Variants in DNM3 observed in about 807,000 individuals in gnomAD.
The protein encoded by DNM3 is dynamin-3.
DNM3 carries 47 observed loss-of-function variants against 101.6 expected under a neutral mutation model. That is an observed-to-expected ratio of 0.46 (90% CI 0.37 to 0.59). The LOEUF (loss-of-function observed/expected upper bound fraction) is 0.59, where lower values mean the gene tolerates loss of function less well. Ranked by LOEUF, DNM3 falls within the 20% of genes least tolerant of loss-of-function variation. DNM3 has a pLI of 0.00. For missense variants in DNM3, 849 were observed against 1,085.7 expected (o/e 0.78, Z 3.06); for synonymous variants, 385 against 387.9 (o/e 0.99, Z 0.09).
intron 17 of DNM3, among the ~76,000 whole-genome samples, chr1:172,372,532 CCTTT>C (rs1405262701): frequency 2.0e-5 from 3 of 151,552 alleles, no homozygotes; most frequent in Admixed American, 6.6e-5. Flanking sequence ...TGTGTCATGC[CCTTT>C]CTATTTTATG....
intron 4 of DNM3, among the ~76,000 whole-genome samples, chr1:172,032,186 G>T (rs1479381744): frequency 1.3e-5 from 2 of 151,944 alleles, no homozygotes; most frequent in Non-Finnish European, 2.9e-5. Context: ...TTCTCCCTTG[G>T]GTTGAAGGTT....
chr1:172,197,213 G>T (rs2059986277), intron 14 of DNM3, among the ~76,000 whole-genome samples: 1 of 151,982 alleles, frequency 6.6e-6, no homozygotes. Flanking sequence ...AGATCAGATT[G>T]TTATAGATGT....
At chr1:172,372,019 C>G (rs1265434485) in intron 17 of DNM3, among the ~76,000 whole-genome samples, 1 of 147,112 alleles carries the variant, frequency 6.8e-6, no homozygotes, top group Non-Finnish European at 1.5e-5. Context: ...CACCCACTAA[C>G]TCGTCATCTA....
rs986592626 is a variant in DNM3, at chr1:172,410,663, C to T, written c.*2822C>T. 2.4e-5 allele frequency: 24 copies of T among 985,098 alleles called. No homozygotes were observed. The highest frequency in any genetic ancestry group is 1.1e-4 in the East Asian group (1 of 8,824). 61.0% of individuals were successfully genotyped at this position (985,098 alleles called of 1,614,324 possible). A position where few individuals can be genotyped will look rare whatever the true frequency, so the allele number is the denominator to read the frequency against. ...TACTCGTCTGAATATTGCTTTTAGC[C>T]GTGTTTTATAACATAGACGAGCAGT... On this transcript the variant is annotated 3_prime_UTR_variant, in exon 21 of 21. Transcript: ENST00000627582.
At chr1:172,373,848 T>C (rs2068474364) in intron 17 of DNM3, among the ~76,000 whole-genome samples, 2 of 152,090 alleles carry the variant, frequency 1.3e-5, no homozygotes, top group Admixed American at 1.3e-4. Context: ...AGCAATCTTC[T>C]TCAGAATATT....
At chr1:172,247,656 C>CTTTTTTAT (rs1553207717) in intron 14 of DNM3, among the ~76,000 whole-genome samples, 1 of 135,330 alleles carries the variant, frequency 7.4e-6, no homozygotes, top group Non-Finnish European at 1.6e-5. Flanking sequence ...ATTATTATTT[C>CTTTTTTAT]TTATTTATTT....
At chr1:172,011,447 G>A (rs6684633) in intron 4 of DNM3, among the ~76,000 whole-genome samples, 45,007 of 151,678 alleles carry the variant, frequency 0.3, 8,350 homozygotes, top group African/African-American at 0.53. Flanking sequence ...GAACTCCATC[G>A]ATGTCTCCTC....
At chr1:172,361,297 G>T (rs9425573) in intron 17 of DNM3, among the ~76,000 whole-genome samples, 58,073 of 151,786 alleles carry the variant, frequency 0.38, 12,340 homozygotes, top group African/African-American at 0.57. Flanking sequence ...CAATTATGAC[G>T]GTCAGGGAAT....
chr1:172,340,757 C>T (rs1469576862), intron 17 of DNM3, among the ~76,000 whole-genome samples: 1 of 152,168 alleles, frequency 6.6e-6, no homozygotes, highest in Non-Finnish European at 1.5e-5. Context: ...CAAACAGGGA[C>T]AGTATGACTT....
intron 2 of DNM3, among the ~76,000 whole-genome samples, chr1:171,941,422 A>G (rs879926052): frequency 6.6e-6 from 1 of 152,208 alleles, no homozygotes; most frequent in African/African-American, 2.4e-5. Flanking sequence ...GAGTGATATG[A>G]AGAAATAATA....
chr1:172,114,241 T>C (rs1267262150), intron 13 of DNM3, among the ~76,000 whole-genome samples: 6 of 152,118 alleles, frequency 3.9e-5, no homozygotes, highest in African/African-American at 1.4e-4. Context: ...TGGCTAACCA[T>C]GCAAAGGTCA....
intron 17 of DNM3, among the ~76,000 whole-genome samples, chr1:172,355,171 C>A (rs1178600323): frequency 6.6e-6 from 1 of 151,978 alleles, no homozygotes; most frequent in African/African-American, 2.4e-5. Context: ...CTCTCTGGAG[C>A]AACACACCCT....
intron 11 of DNM3, among the ~76,000 whole-genome samples, chr1:172,075,677 CG>C (rs2052592302): frequency 6.6e-6 from 1 of 152,086 alleles, no homozygotes. Context: ...GTCTGTATAT[CG>C]GTTTTGGTAC....
chr1:172,386,156 G>A (rs1219384100), intron 18 of DNM3, among the ~76,000 whole-genome samples: 2 of 152,090 alleles, frequency 1.3e-5, no homozygotes, highest in African/African-American at 4.8e-5. Context: ...ATACTTCATC[G>A]ATTCTCACAT....
rs191276389 is a variant in DNM3 at position 171,907,974 on chromosome 1, G to A, written c.162-13774G>A. On this transcript the variant is annotated intron_variant, in intron 1 of 20. Transcript: ENST00000627582. ...AAGATACACATAATGTTTTCTAATCGTTGACTGTATCTCATTGTAAGAAAT... is the reference window on the plus strand; with the variant it reads ...AAGATACACATAATGTTTTCTAATCATTGACTGTATCTCATTGTAAGAAAT... Among the ~76,000 whole-genome samples the A allele has an allele frequency of 3.1e-3, 477 of 152,192 alleles. 1 individual carries two copies. Among genetic ancestry groups the A allele is most frequent in the Non-Finnish European group, 4.2e-3 (287 of 67,988 alleles).
chr1:171,884,741 G>T (rs977316779), intron 1 of DNM3, among the ~76,000 whole-genome samples: 1 of 152,174 alleles, frequency 6.6e-6, no homozygotes, highest in East Asian at 1.9e-4. Context: ...TTGTTCACAT[G>T]ATGTCAACAG....
intron 11 of DNM3, among the ~76,000 whole-genome samples, chr1:172,071,010 A>G (rs776416181): frequency 2.0e-5 from 3 of 146,492 alleles, no homozygotes; most frequent in Non-Finnish European, 4.5e-5. Context: ...GGATCACATG[A>G]GCCTGGGAGG....
chr1:172,416,658 C>T (rs951309802), downstream of DNM3, among the ~76,000 whole-genome samples: 4 of 152,138 alleles, frequency 2.6e-5, no homozygotes, highest in Non-Finnish European at 5.9e-5. Context: ...AGTTTAATGG[C>T]CCACCTCCCC....
At chr1:172,027,617 C>CACACACACACACAG (rs34981346) in intron 4 of DNM3, among the ~76,000 whole-genome samples, 48 of 147,126 alleles carry the variant, frequency 3.3e-4, no homozygotes, top group African/African-American at 1.1e-3. Context: ...CACACACACA[C>CACACACACACACAG]AGAGAGAGAG....
Sources: allele counts gnomAD v4.1 joint callset (sites outside exome capture counted in the v4.1 genomes callset), GRCh38; gene constraint gnomAD v4.1.1; transcripts MANE v1.5; gene names NCBI Gene and HGNC (gene_info 2026-07-23, HGNC 2026-07-21).